Variants in NEO1 observed in about 807,000 individuals in gnomAD.
NEO1 encodes the protein neogenin.
Under a neutral mutation model 159.7 loss-of-function variants are expected in NEO1, and 63 were observed. The ratio of observed to expected loss-of-function variants is 0.39; its 90% CI spans 0.32 to 0.49. The LOEUF (loss-of-function observed/expected upper bound fraction) is 0.49, where lower values mean the gene tolerates loss of function less well. Among genes scored for constraint, NEO1 ranks in the 20% least tolerant of loss-of-function variants. The pLI is 0.85. For synonymous variants in NEO1, 633 were observed against 662.0 expected, an observed-to-expected ratio of 0.96 and a Z score of 0.67; for missense variants, 1,615 against 1,831.0, an observed-to-expected ratio of 0.88 and a Z score of 2.15.
At chr15:73,220,521 G>A (rs895932726) in intron 7 of NEO1, among the ~76,000 whole-genome samples, 1 of 152,180 alleles carries the variant, frequency 6.6e-6, no homozygotes, top group African/African-American at 2.4e-5. Context: ...CCTGCAGAGT[G>A]TTTTCCAACT....
At chr15:73,152,823 CA>C (rs2033483238) in intron 5 of NEO1, among the ~76,000 whole-genome samples, 8 of 152,076 alleles carry the variant, frequency 5.3e-5, no homozygotes, top group Admixed American at 5.2e-4. Flanking sequence ...AATTTGGTCA[CA>C]GAAGCGTTCT....
At position 73,285,117 on chromosome 15, in the gene NEO1, A is replaced by G. The variant is rs1435885700; in HGVS notation, c.3410+2006A>G. On this transcript the variant is annotated intron_variant, in intron 23 of 28. Coordinates refer to ENST00000261908, the MANE Select transcript of NEO1 (RefSeq NM_002499.4). ...TTCCTTAGTGCTTTGGAAGACTTCA[A>G]ATTCAAAGTAAATTTTTTTTTAGAC... Among the ~76,000 whole-genome samples the G allele has an allele frequency of 4.6e-5, 7 of 152,234 alleles. No homozygotes were observed. In the East Asian group the frequency reaches 1.2e-3, roughly 25 times the overall value.
rs78719323 is a variant in NEO1 at position 73,131,596 on chromosome 15, G to A, written c.879-4295G>A. Among the ~76,000 whole-genome samples the A allele has an allele frequency of 8.6e-3, 1,309 of 152,198 alleles. 23 individuals carry two copies. The highest frequency in any genetic ancestry group is 0.03 in the African/African-American group (1,232 of 41,502). On this transcript the variant is annotated intron_variant, in intron 4 of 28. Coordinates refer to ENST00000261908, the MANE Select transcript of NEO1 (RefSeq NM_002499.4). ...ATGTGCCTTATTCTAAGTTACAGTCGGTGCAGTGGCCTCCTAATTGTTCTT... is the reference window on the plus strand; with the variant it reads ...ATGTGCCTTATTCTAAGTTACAGTCAGTGCAGTGGCCTCCTAATTGTTCTT...
At chr15:73,103,950 G>T (rs1428984628) in intron 1 of NEO1, among the ~76,000 whole-genome samples, 3 of 152,140 alleles carry the variant, frequency 2.0e-5, no homozygotes, top group Non-Finnish European at 4.4e-5. Context: ...TATCTCCTGG[G>T]CTCAAGCAGT....
chr15:73,147,520 GC>G (rs1250298059), intron 5 of NEO1, among the ~76,000 whole-genome samples: 1 of 152,036 alleles, frequency 6.6e-6, no homozygotes, highest in Non-Finnish European at 1.5e-5. Flanking sequence ...CTGGGCTCCT[GC>G]CTATCTAGGA....
intron 28 of NEO1, among the ~76,000 whole-genome samples, chr15:73,302,388 A>G (rs1242770077): frequency 1.3e-5 from 2 of 152,030 alleles, no homozygotes; most frequent in Admixed American, 6.6e-5. Flanking sequence ...GACCCTGGGG[A>G]GTATGTGTTG....
At chr15:73,245,890 T>A (rs1041713149) in intron 9 of NEO1, among the ~76,000 whole-genome samples, 1 of 152,088 alleles carries the variant, frequency 6.6e-6, no homozygotes, top group African/African-American at 2.4e-5. Context: ...CACCTCAGTG[T>A]ATTCTTCAGT....
At chr15:73,295,015 A>G (rs1297367115) in intron 26 of NEO1, among the ~76,000 whole-genome samples, 1 of 150,928 alleles carries the variant, frequency 6.6e-6, no homozygotes, top group Admixed American at 6.6e-5. Flanking sequence ...AGTGTGGCTC[A>G]TGCCTGTAAT....
chr15:73,243,403 A>C (rs1446615690), intron 8 of NEO1, among the ~76,000 whole-genome samples: 5 of 152,212 alleles, frequency 3.3e-5, no homozygotes, highest in African/African-American at 1.2e-4. Context: ...TCTTCAATGG[A>C]GTAGTTTGAG....
At chr15:73,235,549 A>G (rs1362873417) in intron 7 of NEO1, among the ~76,000 whole-genome samples, 1 of 152,208 alleles carries the variant, frequency 6.6e-6, no homozygotes, top group South Asian at 2.1e-4. Flanking sequence ...GAGGTCTGCA[A>G]GCTGTTTCAG....
rs2069009774 is a variant in NEO1 at position 73,080,830 on chromosome 15, A to G, written c.130+28025A>G. Among the ~76,000 whole-genome samples, 3 of 152,180 alleles carry G rather than the reference A, an allele frequency of 2.0e-5. No individual in the cohort carries two copies. The South Asian group carries it at 6.2e-4, about 32-fold the overall frequency. ...ACTGGAAGAAGGACAGTGGAGGGAA[A>G]GGTGTGCTGCAGCCAAGGTGGTAAA... On this transcript the variant is annotated intron_variant, in intron 1 of 28. Transcript: ENST00000261908.
At position 73,122,567 on chromosome 15, in the gene NEO1, A is replaced by T; in HGVS notation, c.491A>T (p.Tyr164Phe). Residue 164 changes from tyrosine (Y) to phenylalanine (F), a missense_variant, in exon 3 of 29, where the codon TAT becomes TTT. By Grantham distance (22) the Tyr-to-Phe change is conservative. This residue lies in a region of NEO1 where 1,018 missense variants were observed against 1,115.4 expected (regional missense o/e 0.91). Coordinates refer to ENST00000261908, the MANE Select transcript of NEO1 (RefSeq NM_002499.4). ...FTSQPEPSSV[Y>F]AGNNAILNCE... ...AGCCAACCAGAACCTTCCTCAGTTT[A>T]TGCTGGGAACAATGCAATTCTGAAT... is the stretch of plus-strand genomic sequence containing the variant. 6.2e-7 allele frequency: 1 copy of T among 1,614,150 alleles called. No homozygotes were observed. The highest frequency in any genetic ancestry group is 1.6e-4 in the Middle Eastern group (1 of 6,062).
Position 73,303,160 on chromosome 15 carries a change from G to A in NEO1, c.*464G>A, listed in dbSNP as rs2042683658. 6.4e-6 allele frequency: 1 copy of A among 156,932 alleles called. No individual in the cohort carries two copies. The highest frequency in any genetic ancestry group is 1.9e-4 in the South Asian group (1 of 5,246). 9.7% of individuals were successfully genotyped at this position (156,932 alleles called of 1,614,324 possible). ...AAGTCCTTGGTGTTCTCCACAAGTG[G>A]TTGACATTTGACTGCTTGTTCCAAT... is the stretch of plus-strand genomic sequence containing the variant. On this transcript the variant is annotated 3_prime_UTR_variant, in exon 29 of 29. Transcript: ENST00000261908.
chr15:73,301,239 G>A, intron 27 of NEO1, 82 bp from the exon 28 acceptor site: 1 of 1,574,028 alleles, frequency 6.4e-7, no homozygotes, highest in Non-Finnish European at 8.7e-7. Flanking sequence ...TCACCCCGAA[G>A]CAGCACTTGG....
intron 9 of NEO1, among the ~76,000 whole-genome samples, chr15:73,245,429 G>A (rs915292690): frequency 2.0e-5 from 3 of 152,258 alleles, no homozygotes; most frequent in African/African-American, 7.2e-5. Context: ...TATTATAAAT[G>A]TGTTGTATAT....
At chr15:73,173,985 G>A (rs549241409) in intron 5 of NEO1, among the ~76,000 whole-genome samples, 3 of 151,582 alleles carry the variant, frequency 2.0e-5, no homozygotes, top group Non-Finnish European at 2.9e-5. Flanking sequence ...CTGTAATCCC[G>A]GCTACTTGAG....
chr15:73,287,971 T>C (rs2042014458), intron 23 of NEO1, among the ~76,000 whole-genome samples: 3 of 152,218 alleles, frequency 2.0e-5, no homozygotes. Context: ...ATTGCTCTAA[T>C]TAGAAACTTG....
At chr15:73,147,143 T>G (rs989556695) in intron 5 of NEO1, among the ~76,000 whole-genome samples, 1 of 152,204 alleles carries the variant, frequency 6.6e-6, no homozygotes, top group Non-Finnish European at 1.5e-5. Flanking sequence ...ATTTGTAAAG[T>G]AGGGATAAGA....
rs200723512 is a variant in NEO1 at position 73,077,849 on chromosome 15, CA to C, written c.130+25046del. On this transcript the variant is annotated intron_variant, in intron 1 of 28. Coordinates refer to ENST00000261908, the MANE Select transcript of NEO1 (RefSeq NM_002499.4). ...AAATGAGAAGGTTACTTCCATGAAG[CA>C]ACTCAGTGTAAGCTTTATGGGATGA... Among the ~76,000 whole-genome samples the C allele has an allele frequency of 8.5e-3, 1,301 of 152,228 alleles. 21 individuals carry two copies. Among genetic ancestry groups the C allele is most frequent in the African/African-American group, 0.03 (1,226 of 41,520 alleles).
Sources: allele counts gnomAD v4.1 joint callset (sites outside exome capture counted in the v4.1 genomes callset), GRCh38; gene constraint gnomAD v4.1.1; regional missense constraint gnomAD v4.1.1; transcripts MANE v1.5; gene names NCBI Gene and HGNC (gene_info 2026-07-23, HGNC 2026-07-21).